The following DLGAP2 variants were observed in gnomAD, a reference collection of about 807,000 sequenced individuals.
DLGAP2 encodes the protein DLG associated protein 2, also known as disks large-associated protein 2.
DLGAP2 carries 26 observed loss-of-function variants against 100.3 expected under a neutral mutation model. That is an observed-to-expected ratio of 0.26 (90% confidence interval 0.19 to 0.36). The LOEUF (loss-of-function observed/expected upper bound fraction) is 0.36. Among genes scored for constraint, DLGAP2 ranks in the 10% least tolerant of loss-of-function variants. DLGAP2 has a pLI of 1.00. For synonymous variants in DLGAP2, 886 were observed against 630.1 expected, an observed-to-expected ratio of 1.41 and a Z score of -6.08; for missense variants, 1,858 against 1,453.2, an observed-to-expected ratio of 1.28 and a Z score of -4.53.
At chr8:901,834 T>C (rs1212649222) in intron 1 of DLGAP2, among the ~76,000 whole-genome samples, 1 of 152,238 alleles carries the variant, frequency 6.6e-6, no homozygotes, top group Non-Finnish European at 1.5e-5. Context: ...AGCCATTTAA[T>C]ACTTGCCCTG....
At position 1,237,648 on chromosome 8, in the gene DLGAP2, C is replaced by G. The variant is rs1395132051; in HGVS notation, c.74-21203C>G. Among the ~76,000 whole-genome samples, 17 of 144,234 alleles carry G rather than the reference C, an allele frequency of 1.2e-4. 1 individual carries two copies. In the East Asian group the frequency reaches 3.1e-3, roughly 27 times the overall value. 94.6% of individuals were successfully genotyped at this position (144,234 alleles called of 152,430 possible). On this transcript the variant is annotated intron_variant, in intron 2 of 14. Transcript: ENST00000637795. ...CACATGGTGCCGTGTCTAGTTCTCT[C>G]TCACACATAGCGTCATGTCTAGTTC...
intron 3 of DLGAP2, among the ~76,000 whole-genome samples, chr8:1,298,767 A>G (rs1321319327): frequency 6.6e-6 from 1 of 152,198 alleles, no homozygotes; most frequent in African/African-American, 2.4e-5. Flanking sequence ...ACTTTAAACT[A>G]AAGACTTCTA....
At chr8:1,683,702 T>A (rs1221964178) in intron 12 of DLGAP2, among the ~76,000 whole-genome samples, 1 of 148,866 alleles carries the variant, frequency 6.7e-6, no homozygotes, top group Admixed American at 6.7e-5. Context: ...CACACCTTTA[T>A]AAAAGCAGAA....
chr8:1,194,976 C>T (rs539512010), intron 2 of DLGAP2, among the ~76,000 whole-genome samples: 1 of 152,276 alleles, frequency 6.6e-6, no homozygotes, highest in African/African-American at 2.4e-5. Context: ...GGCTGCACCC[C>T]CTCCGCTCTC....
At chr8:1,533,449 T>A (rs550177627) in intron 4 of DLGAP2, among the ~76,000 whole-genome samples, 1 of 151,646 alleles carries the variant, frequency 6.6e-6, no homozygotes, top group Non-Finnish European at 1.5e-5. Flanking sequence ...GAGTTTGCAG[T>A]GAGCCGAGAT....
At chr8:775,330 A>G (rs1821486933) in intron 1 of DLGAP2, among the ~76,000 whole-genome samples, 1 of 151,770 alleles carries the variant, frequency 6.6e-6, no homozygotes, top group Non-Finnish European at 1.5e-5. Flanking sequence ...TCCTAATTGA[A>G]TACCCTTTAT....
chr8:918,518 G>A lies in DLGAP2; in HGVS notation c.73+10552G>A, dbSNP rs187981782. Among the ~76,000 whole-genome samples the A allele has an allele frequency of 3.2e-4, 49 of 152,264 alleles. No homozygotes were observed. The East Asian group carries it at 3.9e-3, about 12-fold the overall frequency. On this transcript the variant is annotated intron_variant, in intron 2 of 14. Coordinates refer to ENST00000637795, the MANE Select transcript of DLGAP2 (RefSeq NM_001346810.2). ...ACAGGCACGGCTGTGTCTGTGCCAC[G>A]CTGTGTCTGTGCCCCGCTGTGTCTG... is the stretch of plus-strand genomic sequence containing the variant.
intron 3 of DLGAP2, among the ~76,000 whole-genome samples, chr8:1,317,692 C>G (rs1264336962): frequency 7.8e-6 from 1 of 128,406 alleles, no homozygotes; most frequent in African/African-American, 3.2e-5. Flanking sequence ...GTCTCTCCAA[C>G]AGTGGTCTAC....
At chr8:925,702 T>A (rs1023193025) in intron 2 of DLGAP2, among the ~76,000 whole-genome samples, 3 of 152,132 alleles carry the variant, frequency 2.0e-5, no homozygotes, top group Non-Finnish European at 4.4e-5. Flanking sequence ...ATCATGTATA[T>A]CTGTGTGAAT....
chr8:1,690,696 C>CCTAT (rs1434288899), intron 12 of DLGAP2, among the ~76,000 whole-genome samples: 1 of 96,640 alleles, frequency 1.0e-5, no homozygotes, highest in African/African-American at 4.3e-5. Context: ...AAAGGGAGAC[C>CCTAT]CTATCTCAAA....
intron 2 of DLGAP2, among the ~76,000 whole-genome samples, chr8:1,072,013 C>A (rs1341959881): frequency 6.6e-6 from 1 of 152,120 alleles, no homozygotes; most frequent in Admixed American, 6.5e-5. Flanking sequence ...GCTGCCTGGG[C>A]CTTGAAGGCA....
At chr8:904,931 G>A (rs995580377) in intron 1 of DLGAP2, among the ~76,000 whole-genome samples, 1 of 152,202 alleles carries the variant, frequency 6.6e-6, no homozygotes, top group African/African-American at 2.4e-5. Context: ...AACCTATTAT[G>A]GTCCTGCCTT....
chr8:1,212,423 A>C (rs1798123903), intron 2 of DLGAP2, among the ~76,000 whole-genome samples: 1 of 152,204 alleles, frequency 6.6e-6, no homozygotes, highest in Non-Finnish European at 1.5e-5. Context: ...TTGAGCTTTT[A>C]AAAACCGTTC....
At chr8:805,678 G>A (rs925615540) in intron 1 of DLGAP2, among the ~76,000 whole-genome samples, 3 of 152,122 alleles carry the variant, frequency 2.0e-5, no homozygotes, top group Non-Finnish European at 4.4e-5. Context: ...CACGATCTGG[G>A]CTCACTCCGC....
intron 3 of DLGAP2, among the ~76,000 whole-genome samples, chr8:1,494,232 T>G (rs572159096): frequency 6.6e-6 from 1 of 152,374 alleles, no homozygotes; most frequent in African/African-American, 2.4e-5. Flanking sequence ...TCCCTTCTCA[T>G]GTGTGAACCT....
At chr8:843,363 G>A (rs537395322) in intron 1 of DLGAP2, among the ~76,000 whole-genome samples, 8 of 152,324 alleles carry the variant, frequency 5.3e-5, no homozygotes, top group South Asian at 4.1e-4. Context: ...CTGGAAGGGC[G>A]GTGTGGCTGA....
intron 2 of DLGAP2, among the ~76,000 whole-genome samples, chr8:1,039,640 G>T (rs1199480593): frequency 3.9e-4 from 29 of 75,204 alleles, no homozygotes; most frequent in Non-Finnish European, 5.3e-4. Context: ...TCAGCTCGGT[G>T]TGCGTGGTCA....
chr8:844,324 G>T (rs1255032647), intron 1 of DLGAP2, among the ~76,000 whole-genome samples: 2 of 152,198 alleles, frequency 1.3e-5, no homozygotes, highest in African/African-American at 4.8e-5. Context: ...TATGCCAGTT[G>T]TTAAGTTCAC....
At chr8:1,292,607 T>C (rs552650462) in intron 3 of DLGAP2, among the ~76,000 whole-genome samples, 17 of 152,310 alleles carry the variant, frequency 1.1e-4, no homozygotes, top group South Asian at 4.1e-4. Context: ...TTTTTGAAAG[T>C]AGGTTGAGCA....
Sources: gnomAD v4.1 joint callset for allele counts (sites outside exome capture counted in the v4.1 genomes callset) on GRCh38, gnomAD v4.1.1 for gene constraint, MANE v1.5 for transcripts, NCBI Gene and HGNC (gene_info 2026-07-23, HGNC 2026-07-21) for gene names.